WWOX: variants seen among roughly 807,000 people sequenced by gnomAD.
The protein encoded by WWOX is WW domain-containing oxidoreductase.
Under a neutral mutation model 46.2 loss-of-function variants are expected in WWOX, and 69 were observed. The observed-to-expected ratio is 1.49, with a 90% confidence interval of 1.23 to 1.82. The LOEUF is 1.82. Among genes scored for constraint, WWOX ranks in the 40% most tolerant of loss-of-function variants. The probability of loss-of-function intolerance (pLI) is 0.00; values close to 1 mark genes in which losing one functional copy is unlikely to be tolerated. For missense variants in WWOX, 919 were observed against 542.6 expected, an observed-to-expected ratio of 1.69 and a Z score of -6.89; for synonymous variants, 359 against 202.6, an observed-to-expected ratio of 1.77 and a Z score of -6.56.
chr16:78,147,144 A>G (rs1288795174), intron 4 of WWOX, among the ~76,000 whole-genome samples: 1 of 147,936 alleles, frequency 6.8e-6, no homozygotes, highest in Non-Finnish European at 1.5e-5. Flanking sequence ...ATAGATTATC[A>G]GAGATACTTT....
intron 5 of WWOX, among the ~76,000 whole-genome samples, chr16:78,300,097 G>T (rs2151866369): frequency 6.6e-6 from 1 of 152,232 alleles, no homozygotes; most frequent in Middle Eastern, 3.4e-3. Flanking sequence ...TAGAAATTAA[G>T]ACATAGCTTG....
At chr16:78,572,987 T>TA (rs2151575965) in intron 8 of WWOX, among the ~76,000 whole-genome samples, 1 of 152,206 alleles carries the variant, frequency 6.6e-6, no homozygotes, top group African/African-American at 2.4e-5. Context: ...CTTCCTGTAG[T>TA]AAAAATTAAA....
intron 8 of WWOX, among the ~76,000 whole-genome samples, chr16:78,590,511 G>A (rs2045326987): frequency 6.6e-6 from 1 of 152,202 alleles, no homozygotes; most frequent in Non-Finnish European, 1.5e-5. Flanking sequence ...AAGGTTTTTA[G>A]GGAGCAGATT....
intron 8 of WWOX, among the ~76,000 whole-genome samples, chr16:79,111,428 A>G (rs2150656517): frequency 6.6e-6 from 1 of 152,230 alleles, no homozygotes; most frequent in Non-Finnish European, 1.5e-5. Context: ...TGGTTTGGAG[A>G]CACTGTTTTC....
chr16:78,756,507 C>G (rs569045782), intron 8 of WWOX, among the ~76,000 whole-genome samples: 1 of 152,156 alleles, frequency 6.6e-6, no homozygotes, highest in Non-Finnish European at 1.5e-5. Context: ...GGACTTTAGC[C>G]AGAACACACT....
At chr16:79,044,286 T>C (rs1172436877) in intron 8 of WWOX, among the ~76,000 whole-genome samples, 1 of 152,168 alleles carries the variant, frequency 6.6e-6, no homozygotes, top group Non-Finnish European at 1.5e-5. Flanking sequence ...GGCGGTCTGA[T>C]ACAGCTTAGA....
At chr16:78,964,419 A>T (rs895145743) in intron 8 of WWOX, among the ~76,000 whole-genome samples, 5 of 152,228 alleles carry the variant, frequency 3.3e-5, no homozygotes, top group Admixed American at 2.0e-4. Flanking sequence ...GACTGGCAGC[A>T]TTTTGCCCCT....
chr16:78,612,366 G>T (rs1342665834), intron 8 of WWOX, among the ~76,000 whole-genome samples: 1 of 152,240 alleles, frequency 6.6e-6, no homozygotes, highest in African/African-American at 2.4e-5. Context: ...TCCTATGAAG[G>T]AGGGCCCATC....
chr16:78,815,547 G>C (rs542546452), intron 8 of WWOX, among the ~76,000 whole-genome samples: 1 of 152,140 alleles, frequency 6.6e-6, no homozygotes, highest in African/African-American at 2.4e-5. Flanking sequence ...TGAAATCTCA[G>C]ACCATGATGA....
chr16:78,861,464 C>T (rs999062801), intron 8 of WWOX, among the ~76,000 whole-genome samples: 3 of 152,148 alleles, frequency 2.0e-5, no homozygotes, highest in African/African-American at 7.2e-5. Flanking sequence ...TTACATGTGG[C>T]CATTGTTGTT....
At chr16:78,661,821 G>A (rs2047220847) in intron 8 of WWOX, among the ~76,000 whole-genome samples, 1 of 152,226 alleles carries the variant, frequency 6.6e-6, no homozygotes, top group Non-Finnish European at 1.5e-5. Flanking sequence ...TGTATCGCCT[G>A]AGTCCAGGAG....
At chr16:78,733,243 A>C (rs2049007260) in intron 8 of WWOX, among the ~76,000 whole-genome samples, 1 of 152,178 alleles carries the variant, frequency 6.6e-6, no homozygotes, top group Non-Finnish European at 1.5e-5. Flanking sequence ...GGATCCCTGA[A>C]AATAAATATA....
chr16:78,666,477 T>C (rs1318873629), intron 8 of WWOX, among the ~76,000 whole-genome samples: 1 of 152,204 alleles, frequency 6.6e-6, no homozygotes, highest in East Asian at 1.9e-4. Flanking sequence ...GTTTGAATAT[T>C]GTAATTTGCC....
chr16:78,369,029 C>G (rs1191554439), intron 5 of WWOX, among the ~76,000 whole-genome samples: 1 of 152,048 alleles, frequency 6.6e-6, no homozygotes, highest in Non-Finnish European at 1.5e-5. Context: ...CTTCCTCTCT[C>G]AACTCTTCCT....
chr16:78,769,538 T>G (rs1312036711), intron 8 of WWOX, among the ~76,000 whole-genome samples: 9 of 1,136 alleles, frequency 7.9e-3, no homozygotes, highest in African/African-American at 0.014. Flanking sequence ...ACATTATTTA[T>G]TTATTTATTT....
chr16:79,146,772 G>A (rs1305288815), intron 8 of WWOX, among the ~76,000 whole-genome samples: 1 of 152,106 alleles, frequency 6.6e-6, no homozygotes, highest in East Asian at 1.9e-4. Flanking sequence ...ATTCTAGGAA[G>A]CGAAGACTAC....
intron 8 of WWOX, among the ~76,000 whole-genome samples, chr16:78,434,641 G>C (rs2083296807): frequency 6.6e-6 from 1 of 152,146 alleles, no homozygotes; most frequent in Non-Finnish European, 1.5e-5. Flanking sequence ...TTTGATCATT[G>C]ATGTGTTTTA....
At chr16:78,510,421 C>T (rs140183399) in intron 8 of WWOX, among the ~76,000 whole-genome samples, 5 of 152,078 alleles carry the variant, frequency 3.3e-5, no homozygotes, top group Non-Finnish European at 7.4e-5. Flanking sequence ...GATTGGTTGG[C>T]CAGTATGGTC....
intron 8 of WWOX, among the ~76,000 whole-genome samples, chr16:78,863,061 C>T (rs566846182): frequency 6.6e-5 from 10 of 150,502 alleles, no homozygotes; most frequent in South Asian, 2.1e-4. Context: ...CAGGTTCAAG[C>T]GATTCTCCTG....
Sources: gnomAD v4.1 joint callset for allele counts (sites outside exome capture counted in the v4.1 genomes callset) on GRCh38, gnomAD v4.1.1 for gene constraint, MANE v1.5 for transcripts, NCBI Gene and HGNC (gene_info 2026-07-23, HGNC 2026-07-21) for gene names.